The following CELF2 variants were observed in gnomAD, a reference collection of about 807,000 sequenced individuals.
CELF2 encodes CUG triplet repeat RNA-binding protein 2.
CELF2 carries 8 observed loss-of-function variants against 62.6 expected under a neutral mutation model. The ratio of observed to expected loss-of-function variants is 0.13; its 90% CI spans 0.07 to 0.23. CELF2 has a LOEUF of 0.23. Ranked by LOEUF, CELF2 falls within the 10% of genes least tolerant of loss-of-function variation. The probability of loss-of-function intolerance (pLI) is 1.00; values close to 1 mark genes in which losing one functional copy is unlikely to be tolerated. For missense variants in CELF2, 333 were observed against 671.0 expected, an observed-to-expected ratio of 0.50 and a Z score of 5.56; for synonymous variants, 258 against 250.0, an observed-to-expected ratio of 1.03 and a Z score of -0.30.
intron 1 of CELF2, among the ~76,000 whole-genome samples, chr10:11,116,351 T>A (rs1053626025): frequency 6.6e-6 from 1 of 152,226 alleles, no homozygotes; most frequent in Non-Finnish European, 1.5e-5. Flanking sequence ...TGACAAGAAA[T>A]CTGTGCATGT....
the CELF2 span, among the ~76,000 whole-genome samples, chr10:10,657,960 G>A: frequency 2.6e-5 from 4 of 152,192 alleles, no homozygotes; most frequent in Admixed American, 6.5e-5. Flanking sequence ...TCAGGTTTAC[G>A]CTGAGTTGTA....
chr10:10,615,805 G>A, the CELF2 span, among the ~76,000 whole-genome samples: 3 of 152,104 alleles, frequency 2.0e-5, no homozygotes, highest in Non-Finnish European at 4.4e-5. Flanking sequence ...TGTACAGCCA[G>A]GCAGAACCAT....
chr10:10,694,145 A>C, the CELF2 span, among the ~76,000 whole-genome samples: 63 of 151,454 alleles, frequency 4.2e-4, no homozygotes, highest in East Asian at 6.6e-3. Flanking sequence ...TCTTGTGGGC[A>C]TTTAGTGCTA....
the CELF2 span, among the ~76,000 whole-genome samples, chr10:10,759,405 G>A: frequency 0.15 from 22,838 of 148,516 alleles, 1,951 homozygotes; most frequent in East Asian, 0.3. Context: ...TGCCTCTGGG[G>A]TTCAAGCGAT....
the CELF2 span, among the ~76,000 whole-genome samples, chr10:10,721,744 ACAGT>A: frequency 6.6e-6 from 1 of 152,120 alleles, no homozygotes; most frequent in South Asian, 2.1e-4. Flanking sequence ...ATCACTAAAC[ACAGT>A]CAGTTACAGC....
At chr10:10,651,594 C>T in the CELF2 span, among the ~76,000 whole-genome samples, 5 of 141,728 alleles carry the variant, frequency 3.5e-5, 1 homozygote, top group African/African-American at 1.3e-4. Context: ...CTGGGAGGCA[C>T]CCCCCAGCAG....
chr10:11,161,766 A>C (rs1013651064), intron 1 of CELF2, among the ~76,000 whole-genome samples: 4 of 152,154 alleles, frequency 2.6e-5, no homozygotes, highest in Admixed American at 6.5e-5. Context: ...TAAGCCCTAG[A>C]TGAGGTTGTT....
intron 1 of CELF2, among the ~76,000 whole-genome samples, chr10:11,109,306 C>T (rs1323649931): frequency 6.6e-6 from 1 of 152,086 alleles, no homozygotes; most frequent in East Asian, 1.9e-4. Flanking sequence ...GCCACATATC[C>T]ATGAATCTGT....
chr10:10,538,157 C>A, the CELF2 span, among the ~76,000 whole-genome samples: 7 of 152,286 alleles, frequency 4.6e-5, no homozygotes, highest in East Asian at 1.4e-3. Context: ...GGTGCCCTGA[C>A]AAAGGCCATG....
chr10:10,531,441 C>T, the CELF2 span, among the ~76,000 whole-genome samples: 1 of 152,130 alleles, frequency 6.6e-6, no homozygotes, highest in African/African-American at 2.4e-5. Context: ...TTTATTAAAT[C>T]GTTCATAGGA....
In CELF2 at chr10:11,165,127, C is replaced by A; in HGVS notation, c.75-359C>A. The A allele has an allele frequency of 9.6e-7, 1 of 1,043,642 alleles. No individual in the cohort carries two copies. The highest frequency in any genetic ancestry group is 1.2e-6 in the Non-Finnish European group (1 of 865,714). 64.6% of individuals were successfully genotyped at this position (1,043,642 alleles called of 1,614,324 possible). ...TTTCCCAGCCACAGCCAGGGTAGGGCTGATAAGGCGCTGATGCGTTGATGG... is the reference window on the plus strand; with the variant it reads ...TTTCCCAGCCACAGCCAGGGTAGGGATGATAAGGCGCTGATGCGTTGATGG... On this transcript the variant is annotated intron_variant, in intron 1 of 12. Coordinates refer to ENST00000633077, the MANE Select transcript of CELF2 (RefSeq NM_001326342.2). The surrounding 1 kb of genome is among the most constrained non-coding windows in gnomAD (Gnocchi z 7.4).
intron 1 of CELF2, among the ~76,000 whole-genome samples, chr10:11,020,314 A>T (rs2058096979): frequency 6.6e-6 from 1 of 152,184 alleles, no homozygotes; most frequent in Non-Finnish European, 1.5e-5. Flanking sequence ...TAGTTTTATT[A>T]TTTGTTTCCT....
intron 7 of CELF2, among the ~76,000 whole-genome samples, chr10:11,273,968 A>C (rs1189337274): frequency 0.053 from 4,949 of 93,258 alleles, 1 homozygote; most frequent in African/African-American, 0.071. Context: ...AGTGATCCCC[A>C]CCCCCCCCCC....
chr10:11,140,876 G>A (rs1354123583), intron 1 of CELF2, among the ~76,000 whole-genome samples: 1 of 152,124 alleles, frequency 6.6e-6, no homozygotes, highest in South Asian at 2.1e-4. Flanking sequence ...AATTAGCCAG[G>A]CATGATGGAG....
chr10:10,739,142 G>A, the CELF2 span, among the ~76,000 whole-genome samples: 4 of 151,724 alleles, frequency 2.6e-5, no homozygotes, highest in Non-Finnish European at 5.9e-5. Flanking sequence ...AGAATCTGAC[G>A]ATAACAAAAA....
the CELF2 span, among the ~76,000 whole-genome samples, chr10:10,588,047 G>A: frequency 1.0e-3 from 152 of 151,004 alleles, 3 homozygotes; most frequent in East Asian, 0.017. Context: ...TGTTTTAGCT[G>A]TCTTGAAGAT....
intron 1 of CELF2, among the ~76,000 whole-genome samples, chr10:10,820,564 A>C (rs970155225): frequency 4.6e-5 from 7 of 152,336 alleles, no homozygotes; most frequent in Admixed American, 1.3e-4. Flanking sequence ...GAAAAACAGT[A>C]GTGAGATAAC....
chr10:10,951,395 C>T (rs1480090355), intron 2 of CELF2, among the ~76,000 whole-genome samples: 1 of 152,180 alleles, frequency 6.6e-6, no homozygotes, highest in Admixed American at 6.5e-5. Context: ...CTTTGGCCTC[C>T]TGGAGCACTG....
chr10:10,623,167 A>G, the CELF2 span, among the ~76,000 whole-genome samples: 1 of 150,090 alleles, frequency 6.7e-6, no homozygotes, highest in Non-Finnish European at 1.5e-5. Context: ...AGCCTGTGGA[A>G]TCTATGCCCA....
Sources: gnomAD v4.1 joint callset for allele counts (sites outside exome capture counted in the v4.1 genomes callset) on GRCh38, gnomAD v4.1.1 for gene constraint, Gnocchi (gnomAD v3.1) non-coding constraint, MANE v1.5 for transcripts, NCBI Gene and HGNC (gene_info 2026-07-23, HGNC 2026-07-21) for gene names.